CDK15: variants seen among roughly 807,000 people sequenced by gnomAD.
CDK15 encodes cyclin-dependent kinase 15.
A neutral mutation model predicts 60.3 loss-of-function variants in CDK15; 62 were observed. The ratio of observed to expected loss-of-function variants is 1.03; its 90% CI spans 0.84 to 1.27. The LOEUF is 1.27. Among genes scored for constraint, CDK15 ranks in the 50% most tolerant of loss-of-function variants. The pLI is 0.00. For synonymous variants in CDK15, 194 were observed against 195.7 expected (o/e 0.99, Z 0.07); for missense variants, 541 against 527.8 (o/e 1.03, Z -0.25).
chr2:201,816,017 A>G (rs940602029), intron 4 of CDK15, among the ~76,000 whole-genome samples: 2 of 152,242 alleles, frequency 1.3e-5, no homozygotes, highest in African/African-American at 2.4e-5. Context: ...ATGAATTTGG[A>G]AATGCTTAAC....
At chr2:201,838,958 T>G (rs1052684850) in intron 8 of CDK15, among the ~76,000 whole-genome samples, 9 of 152,210 alleles carry the variant, frequency 5.9e-5, no homozygotes, top group African/African-American at 2.2e-4. Flanking sequence ...TTGTTTTTTT[T>G]TGAGACGGAG....
At chr2:201,881,037 T>C (rs112652630) in intron 12 of CDK15, among the ~76,000 whole-genome samples, 22 of 152,106 alleles carry the variant, frequency 1.4e-4, no homozygotes, top group African/African-American at 5.3e-4. Context: ...AGGGAGGGCC[T>C]AAGGGCTGGA....
rs1553523956 is a variant in CDK15, at chr2:201,836,058, T to TATATATTTATATTTA, written c.851+295_851+296insATATATTTATATTTA. On this transcript the variant is annotated intron_variant, in intron 8 of 13. Coordinates refer to ENST00000652192, the MANE Select transcript of CDK15 (RefSeq NM_001366386.2). ...TATTTTATATATATTTATATATATATTATATATATTTATATTTATATATAT... is the reference window on the plus strand; with the variant it reads ...TATTTTATATATATTTATATATATATATATATTTATATTTATATATATATTTATATTTATATATAT... 2.5e-3 allele frequency among the ~76,000 whole-genome samples: 240 copies of TATATATTTATATTTA among 95,996 alleles called. 2 individuals carry two copies. The highest frequency in any genetic ancestry group is 2.6e-3 in the Non-Finnish European group (140 of 54,388). 63.0% of individuals were successfully genotyped at this position (95,996 alleles called of 152,430 possible).
At chr2:201,827,058 G>C (rs1030343546) in intron 6 of CDK15, among the ~76,000 whole-genome samples, 5 of 152,230 alleles carry the variant, frequency 3.3e-5, no homozygotes, top group African/African-American at 1.2e-4. Context: ...TTCTAGTTCT[G>C]TTGGCCTGAA....
chr2:201,890,983 C>A, intron 13 of CDK15, 56 bp downstream of exon 13: 1 of 901,336 alleles, frequency 1.1e-6, no homozygotes, highest in Non-Finnish European at 1.7e-6. Context: ...GCAATTGGTG[C>A]CGGGTGGAGA....
chr2:201,807,778 G>GA (rs996268314), intron 2 of CDK15, 80 bp from the exon 3 acceptor site: 1 of 1,546,138 alleles, frequency 6.5e-7, no homozygotes, highest in Non-Finnish European at 8.8e-7. Context: ...TTTCCCTGGG[G>GA]AAAAAAAGTC....
intron 8 of CDK15, 135 bp downstream of exon 8, chr2:201,835,898 T>A: frequency 2.3e-5 from 5 of 220,942 alleles, no homozygotes; most frequent in East Asian, 1.7e-4. Flanking sequence ...TTATATATTT[T>A]ATATATATTT....
intron 3 of CDK15, among the ~76,000 whole-genome samples, chr2:201,808,965 C>T (rs1247809612): frequency 6.6e-6 from 1 of 151,764 alleles, no homozygotes; most frequent in Non-Finnish European, 1.5e-5. Context: ...ATCTCTGTCA[C>T]CCACGCTGGA....
At chr2:201,873,806 A>G (rs1459348679) in intron 11 of CDK15, among the ~76,000 whole-genome samples, 1 of 152,180 alleles carries the variant, frequency 6.6e-6, no homozygotes, top group Non-Finnish European at 1.5e-5. Flanking sequence ...TAATCCCAGC[A>G]TTTTGGGAGG....
chr2:201,850,734 G>A (rs551915115), intron 9 of CDK15, among the ~76,000 whole-genome samples: 2 of 152,236 alleles, frequency 1.3e-5, no homozygotes, highest in East Asian at 3.9e-4. Flanking sequence ...CATAATGGCT[G>A]TGCTATTTGC....
At chr2:201,873,029 AGTCTTGCAG>A (rs1371710504) in intron 11 of CDK15, among the ~76,000 whole-genome samples, 1 of 152,224 alleles carries the variant, frequency 6.6e-6, no homozygotes, top group East Asian at 1.9e-4. Flanking sequence ...AGAAAAACAC[AGTCTTGCAG>A]GTGGGGAGAA....
intron 10 of CDK15, among the ~76,000 whole-genome samples, chr2:201,870,973 T>G (rs1698832212): frequency 1.3e-5 from 2 of 152,110 alleles, no homozygotes; most frequent in Admixed American, 6.6e-5. Flanking sequence ...TAGGATGGTT[T>G]TTGTTTGGGT....
chr2:201,872,459 G>A (rs1698886153), intron 11 of CDK15, 133 bp downstream of exon 11: 2 of 874,156 alleles, frequency 2.3e-6, no homozygotes, highest in Non-Finnish European at 3.8e-6. Flanking sequence ...GTAGGAAGAT[G>A]CCTCTGGAAG....
In CDK15 at chr2:201,854,927, C is replaced by G. The variant is rs550695496; in HGVS notation, c.999C>G (p.Asn333Lys). The change falls in exon 10 of 14, where the codon AAC becomes AAG. Residue 333 changes from asparagine to lysine, a missense_variant. Asn to Lys is a moderately conservative substitution (Grantham distance 94). Transcript: ENST00000652192. The stretch of plus-strand genomic sequence containing the variant: ...GGCCGGGAGTCTCCAAGCTACCTAA[C>G]TACAATCCAGGTAATATTGATCTGA... ...DTWPGVSKLP[N>K]YNPEWFPLPT... 2.3e-4 allele frequency: 377 copies of G among 1,613,896 alleles called. 4 individuals carry two copies. In the South Asian group the frequency reaches 4.0e-3, roughly 17 times the overall value.
intron 4 of CDK15, among the ~76,000 whole-genome samples, chr2:201,814,749 T>G (rs959890489): frequency 2.0e-5 from 3 of 152,176 alleles, no homozygotes; most frequent in African/African-American, 4.8e-5. Context: ...AGGAATTGCT[T>G]TTCCTGAACA....
chr2:201,837,454 G>GGAAA (rs1697169926), intron 8 of CDK15, among the ~76,000 whole-genome samples: 1 of 3,290 alleles, frequency 3.0e-4, no homozygotes, highest in Non-Finnish European at 6.1e-4. Context: ...AGGAAAGGAA[G>GGAAA]GAAGGAAGGA....
In CDK15 at chr2:201,833,370, G is replaced by A. The variant is rs1343483113; in HGVS notation, c.607-478G>A. Among the ~76,000 whole-genome samples, 4 of 151,940 alleles carry A rather than the reference G, an allele frequency of 2.6e-5. No individual in the cohort carries two copies. In the East Asian group the frequency reaches 5.8e-4, roughly 22 times the overall value. On this transcript the variant is annotated intron_variant, in intron 6 of 13. Transcript: ENST00000652192. ...ATCTAAAGATATATTTTTTAGTGTGGTCTCCTTGTGTTGTGTTTTTAAAAG... is the reference window on the plus strand; with the variant it reads ...ATCTAAAGATATATTTTTTAGTGTGATCTCCTTGTGTTGTGTTTTTAAAAG...
rs146303829 is a variant in CDK15 at position 201,837,303 on chromosome 2, C to G, written c.851+1540C>G. On this transcript the variant is annotated intron_variant, in intron 8 of 13. Transcript: ENST00000652192. ...ACCCCGTCTGAAAGAAAGAAAGAAA[C>G]AGAGAGAGAGAGAGAGAGAGAAAGA... is the stretch of plus-strand genomic sequence containing the variant. Among the ~76,000 whole-genome samples the G allele has an allele frequency of 1.5e-3, 188 of 123,688 alleles. 1 individual carries two copies. The highest frequency in any genetic ancestry group is 5.2e-3 in the African/African-American group (170 of 32,860). The allele number at this position is 123,688 out of a possible 152,430, so 81.1% of individuals were successfully genotyped here.
chr2:201,839,392 G>A (rs1447075921), intron 8 of CDK15, among the ~76,000 whole-genome samples: 1 of 152,110 alleles, frequency 6.6e-6, no homozygotes, highest in Non-Finnish European at 1.5e-5. Context: ...GGAGACTCCA[G>A]AAACCTGCCA....
Sources: allele counts gnomAD v4.1 joint callset (sites outside exome capture counted in the v4.1 genomes callset), GRCh38; gene constraint gnomAD v4.1.1; transcripts MANE v1.5; gene names NCBI Gene and HGNC (gene_info 2026-07-23, HGNC 2026-07-21).